Variants in RBM47 observed in about 807,000 individuals in gnomAD.
The protein encoded by RBM47 is RNA-binding protein 47.
RBM47 carries 21 observed loss-of-function variants against 47.1 expected under a neutral mutation model. That is an observed-to-expected ratio of 0.45 (90% confidence interval 0.32 to 0.64). The LOEUF is 0.64. RBM47 is among the 30% of genes least tolerant of loss of function. RBM47 has a pLI of 0.05. For missense variants in RBM47, 708 were observed against 870.9 expected (o/e 0.81, Z 2.35); for synonymous variants, 375 against 361.7 (o/e 1.04, Z -0.42).
intron 3 of RBM47, among the ~76,000 whole-genome samples, chr4:40,441,669 G>A (rs1713672351): frequency 6.6e-6 from 1 of 152,188 alleles, no homozygotes; most frequent in Admixed American, 6.5e-5. Flanking sequence ...GATAGGTGGA[G>A]TTGCCTTCCT....
Position 40,609,533 on chromosome 4 carries a change from G to A in RBM47, c.-240+19863C>T, listed in dbSNP as rs528875128. 3.6e-3 allele frequency among the ~76,000 whole-genome samples: 529 copies of A among 147,766 alleles called. 3 individuals are homozygous for A. The highest frequency in any genetic ancestry group is 4.5e-3 in the Non-Finnish European group (299 of 66,924). Reference sequence around the variant, plus strand: ...TCACCATGTTGGCCAGGCTGGTCTCGAACTCCTGACCTCAAGTGATCTGCC... The same window carrying A: ...TCACCATGTTGGCCAGGCTGGTCTCAAACTCCTGACCTCAAGTGATCTGCC... On this transcript the variant is annotated intron_variant, in intron 1 of 6. Transcript: ENST00000295971.
chr4:40,436,704 G>A, intron 4 of RBM47, 57 bp from the exon 5 acceptor site: 1 of 1,561,692 alleles, frequency 6.4e-7, no homozygotes, highest in South Asian at 1.1e-5. Context: ...GCTGGAGGCA[G>A]ACCTCAGCCC....
intron 1 of RBM47, among the ~76,000 whole-genome samples, chr4:40,607,656 G>A (rs1338919899): frequency 6.6e-6 from 1 of 152,164 alleles, no homozygotes; most frequent in Non-Finnish European, 1.5e-5. Flanking sequence ...GCAGAGAGCT[G>A]CGGTCACATC....
intron 4 of RBM47, chr4:40,436,931 C>G: frequency 2.0e-6 from 1 of 510,676 alleles, no homozygotes. Flanking sequence ...CCCACCACCC[C>G]CTCCCCCCCG....
At chr4:40,450,604 A>C (rs2154219242) in intron 3 of RBM47, among the ~76,000 whole-genome samples, 1 of 152,238 alleles carries the variant, frequency 6.6e-6, no homozygotes, top group South Asian at 2.1e-4. Context: ...CTGTCTCAAA[A>C]AAGAAAAAAA....
In RBM47 at chr4:40,466,606, T is replaced by G. The variant is rs1357915782; in HGVS notation, c.-61A>C. The G allele has an allele frequency of 6.6e-6, 1 of 152,120 alleles. No homozygotes were observed. Among genetic ancestry groups the G allele is most frequent in the Non-Finnish European group, 1.5e-5 (1 of 68,028 alleles). The allele number at this position is 152,120 out of a possible 1,614,324, so 9.4% of individuals were successfully genotyped here. ...ACCACTAATTTGATTTGTCTGGTCC[T>G]TTATAAGTCGCAGAACGAGAGTATA... On this transcript the variant is annotated 5_prime_UTR_variant, in exon 3 of 7. Transcript: ENST00000295971.
chr4:40,503,039 C>CAA (rs1723606631), intron 2 of RBM47, among the ~76,000 whole-genome samples: 1 of 151,826 alleles, frequency 6.6e-6, no homozygotes, highest in Non-Finnish European at 1.5e-5. Context: ...TTTGTTAAGC[C>CAA]TGGACAGACA....
chr4:40,490,108 T>C (rs1039175680), intron 2 of RBM47, among the ~76,000 whole-genome samples: 1 of 152,080 alleles, frequency 6.6e-6, no homozygotes, highest in Non-Finnish European at 1.5e-5. Context: ...ACACAACATA[T>C]TAAAGCAGAA....
chr4:40,496,946 C>T (rs1415893676), intron 2 of RBM47, among the ~76,000 whole-genome samples: 1 of 150,070 alleles, frequency 6.7e-6, no homozygotes, highest in East Asian at 2.0e-4. Flanking sequence ...GAGGCTGAGG[C>T]AGGAGAATCA....
Position 40,511,323 on chromosome 4 carries a change from C to A in RBM47, c.-155+33099G>T, listed in dbSNP as rs373615316. Among the ~76,000 whole-genome samples the A allele has an allele frequency of 5.3e-3, 806 of 152,304 alleles. 5 individuals are homozygous for A. Among genetic ancestry groups the A allele is most frequent in the African/African-American group, 0.015 (631 of 41,574 alleles). On this transcript the variant is annotated intron_variant, in intron 2 of 6. Coordinates refer to ENST00000295971, the MANE Select transcript of RBM47 (RefSeq NM_001098634.2). ...TGTGAAATGCCTTTTCATTTGGGTC[C>A]TATTATTGTCCCCAGAAATTTCAGC...
intron 1 of RBM47, among the ~76,000 whole-genome samples, chr4:40,563,665 G>T (rs569836876): frequency 6.6e-6 from 1 of 152,248 alleles, no homozygotes; most frequent in Non-Finnish European, 1.5e-5. Flanking sequence ...CAGAGCCTGG[G>T]TTTACTTCCC....
chr4:40,450,401 C>G (rs1715224562), intron 3 of RBM47, among the ~76,000 whole-genome samples: 1 of 151,822 alleles, frequency 6.6e-6, no homozygotes, highest in Non-Finnish European at 1.5e-5. Context: ...TGAGACCAGC[C>G]TGGCCAACAT....
chr4:40,425,332 T>A lies in RBM47; in HGVS notation c.*572A>T, dbSNP rs1468580082. 6.5e-6 allele frequency: 1 copy of A among 152,930 alleles called. No individual in the cohort carries two copies. Among genetic ancestry groups the A allele is most frequent in the East Asian group, 1.9e-4 (1 of 5,212 alleles). The allele number at this position is 152,930 out of a possible 1,614,324, so 9.5% of individuals were successfully genotyped here. On this transcript the variant is annotated 3_prime_UTR_variant, in exon 7 of 7. Coordinates refer to ENST00000295971, the MANE Select transcript of RBM47 (RefSeq NM_001098634.2). ...GCCATGATGATACATGGTAACACCA[T>A]CAACCCTTAATGCCAGCAGAAATAC...
At chr4:40,462,052 C>T (rs1717219819) in intron 3 of RBM47, among the ~76,000 whole-genome samples, 1 of 152,100 alleles carries the variant, frequency 6.6e-6, no homozygotes, top group Admixed American at 6.5e-5. Context: ...TGTGGGGAGA[C>T]CTCTGAGACC....
chr4:40,607,685 C>T (rs1735889202), intron 1 of RBM47, among the ~76,000 whole-genome samples: 1 of 151,944 alleles, frequency 6.6e-6, no homozygotes, highest in Non-Finnish European at 1.5e-5. Context: ...CTAGCCTGGG[C>T]CACAGAGTGA....
intron 1 of RBM47, among the ~76,000 whole-genome samples, chr4:40,554,195 C>T (rs575315542): frequency 1.8e-4 from 28 of 152,242 alleles, no homozygotes; most frequent in African/African-American, 6.7e-4. Context: ...CCTCTCATTA[C>T]TGTCCCAATG....
intron 3 of RBM47, among the ~76,000 whole-genome samples, chr4:40,464,301 T>C (rs1358383516): frequency 6.6e-6 from 1 of 152,230 alleles, no homozygotes; most frequent in Non-Finnish European, 1.5e-5. Flanking sequence ...CCCCAGTGGA[T>C]GCCTGAAACC....
chr4:40,611,844 C>T (rs963730031), intron 1 of RBM47, among the ~76,000 whole-genome samples: 3 of 152,138 alleles, frequency 2.0e-5, no homozygotes, highest in African/African-American at 7.2e-5. Context: ...CAAAGAGCAT[C>T]TGAGATTAAA....
At chr4:40,568,992 TAGATAGATA>T (rs2154268137) in intron 1 of RBM47, among the ~76,000 whole-genome samples, 1 of 66,334 alleles carries the variant, frequency 1.5e-5, no homozygotes, top group Non-Finnish European at 3.3e-5. Context: ...AAAAGATAGA[TAGATAGATA>T]GATAGATAGA....
Sources: gnomAD v4.1 joint callset for allele counts (sites outside exome capture counted in the v4.1 genomes callset) on GRCh38, gnomAD v4.1.1 for gene constraint, MANE v1.5 for transcripts, NCBI Gene and HGNC (gene_info 2026-07-23, HGNC 2026-07-21) for gene names.